Variants in THBS2 observed in about 807,000 individuals in gnomAD.
THBS2 encodes the protein thrombospondin 2.
Under a neutral mutation model 135.2 loss-of-function variants are expected in THBS2, and 47 were observed. The observed-to-expected ratio is 0.35, with a 90% confidence interval of 0.28 to 0.44. The LOEUF (loss-of-function observed/expected upper bound fraction) is 0.44. Among genes scored for constraint, THBS2 ranks in the 20% least tolerant of loss-of-function variants. The pLI is 1.00. For synonymous variants in THBS2, 639 were observed against 633.8 expected, an observed-to-expected ratio of 1.01 and a Z score of -0.12; for missense variants, 1,288 against 1,603.1, an observed-to-expected ratio of 0.80 and a Z score of 3.36.
chr6:169,224,544 C>A (rs957626391), intron 17 of THBS2, among the ~76,000 whole-genome samples: 3 of 152,232 alleles, frequency 2.0e-5, no homozygotes, highest in Non-Finnish European at 2.9e-5. Context: ...GTCAGCCAGG[C>A]CCCACTCCAA....
rs1780799186 is a variant in THBS2 at position 169,252,807 on chromosome 6, T to G, written c.-23+917A>C. On this transcript the variant is annotated intron_variant, in intron 1 of 21. Transcript: ENST00000617924. The surrounding 1 kb of genome is among the most constrained non-coding windows in gnomAD (Gnocchi z 4.3). ...TGTTTTTCCAAAAGAAAGATTTCGGTGCCTGTCTGCAGCAGAATGTAGTTT... is the reference window on the plus strand; with the variant it reads ...TGTTTTTCCAAAAGAAAGATTTCGGGGCCTGTCTGCAGCAGAATGTAGTTT... Among the ~76,000 whole-genome samples, 1 of 152,216 alleles carries G rather than the reference T, an allele frequency of 6.6e-6. No homozygotes were observed. The highest frequency in any genetic ancestry group is 1.5e-5 in the Non-Finnish European group (1 of 68,036).
chr6:169,237,495 C>A, intron 8 of THBS2, 130 bp downstream of exon 8: 1 of 1,511,792 alleles, frequency 6.6e-7, no homozygotes, highest in South Asian at 1.1e-5. Context: ...AAGAGCCTCA[C>A]CTGGCTAGAA....
chr6:169,225,183 C>A lies in THBS2; in HGVS notation c.2735G>T (p.Cys912Phe). The A allele has an allele frequency of 6.2e-7, 1 of 1,614,240 alleles. No homozygotes were observed. The highest frequency in any genetic ancestry group is 8.5e-7 in the Non-Finnish European group (1 of 1,180,052). ...NDGVPDDRDN[C>F]RLVFNPDQED... is the part of the protein sequence containing the mutation. ...CTGGTCTGGGTTGAACACAAGCCGGCAGTTGTCCCTGTCATCGGGGACGCC... is the reference window on the plus strand; with the variant it reads ...CTGGTCTGGGTTGAACACAAGCCGGAAGTTGTCCCTGTCATCGGGGACGCC... Residue 912 changes from cysteine (C) to phenylalanine (F), a missense_variant, in exon 17 of 22, where the codon TGC becomes TTC. Coordinates refer to ENST00000617924, the MANE Select transcript of THBS2 (RefSeq NM_003247.5).
intron 13 of THBS2, among the ~76,000 whole-genome samples, chr6:169,231,277 G>A (rs1779823232): frequency 6.6e-6 from 1 of 152,202 alleles, no homozygotes; most frequent in Non-Finnish European, 1.5e-5. Context: ...GAAAGGCACT[G>A]GAGAAAGTGG....
intron 13 of THBS2, among the ~76,000 whole-genome samples, chr6:169,230,471 G>C (rs1353317229): frequency 6.6e-6 from 1 of 152,196 alleles, no homozygotes; most frequent in African/African-American, 2.4e-5. Context: ...AGAAAGGAGA[G>C]CATGTTGCTT....
At chr6:169,218,476 T>TGAGG (rs1554243921) in intron 21 of THBS2, among the ~76,000 whole-genome samples, 6 of 55,406 alleles carry the variant, frequency 1.1e-4, no homozygotes, top group South Asian at 5.8e-4. Flanking sequence ...GATAGATGAG[T>TGAGG]GGGGGTGGAT....
chr6:169,221,979 A>G (rs1009704014), intron 19 of THBS2, among the ~76,000 whole-genome samples: 9 of 152,238 alleles, frequency 5.9e-5, no homozygotes, highest in Non-Finnish European at 1.5e-5. Flanking sequence ...AATTTGTAAA[A>G]GGATTAGCAA....
rs1012319108 is a variant in THBS2, at chr6:169,240,692, C to T, written c.892-100G>A. 8 of 1,448,372 alleles carry T rather than the reference C, an allele frequency of 5.5e-6. No individual in the cohort carries two copies. The East Asian group carries it at 7.3e-5, about 13-fold the overall frequency. 89.7% of individuals were successfully genotyped at this position (1,448,372 alleles called of 1,614,324 possible). A position where few individuals can be genotyped will look rare whatever the true frequency, so the allele number is the denominator to read the frequency against. On this transcript the variant is annotated intron_variant, in intron 5 of 21. Coordinates refer to ENST00000617924, the MANE Select transcript of THBS2 (RefSeq NM_003247.5). Reference sequence around the variant, plus strand: ...ACAAAGTTCCTCCTTCATTAAAAAGCTCTAAAGTCAAGTAAGACTTGACTC... The same window carrying T: ...ACAAAGTTCCTCCTTCATTAAAAAGTTCTAAAGTCAAGTAAGACTTGACTC...
In THBS2 at chr6:169,222,493, G is replaced by A. The variant is rs138580567; in HGVS notation, c.3002-25C>T. ...CCTGGATGCAACGCCATAAGGTTTC[G>A]TTAGAAACACCTTTCAGGTGGCCGG... On this transcript the variant is annotated intron_variant, in intron 18 of 21. Transcript: ENST00000617924. 142 of 1,602,038 alleles carry A rather than the reference G, an allele frequency of 8.9e-5. No homozygotes were observed. The East Asian group carries it at 1.4e-3, about 16-fold the overall frequency.
Position 169,232,929 on chromosome 6 carries a change from G to A in THBS2, c.1740C>T (p.Gly580=), listed in dbSNP as rs1779899275. 1.9e-6 allele frequency: 3 copies of A among 1,578,870 alleles called. No homozygotes were observed. Among genetic ancestry groups the A allele is most frequent in the Non-Finnish European group, 1.7e-6 (2 of 1,162,960 alleles). ...GSWSCGSCPV[G]FLGNGTHCED... ...CACAGTGGGTGCCATTGCCCAAGAA[G>A]CCCACAGGGCAGGAGCCGCATGACC... is the stretch of plus-strand genomic sequence containing the variant. The change falls in exon 11 of 22, where the codon GGC becomes GGT. Residue 580 remains glycine (G), a synonymous_variant. Coordinates refer to ENST00000617924, the MANE Select transcript of THBS2 (RefSeq NM_003247.5).
rs567184891 is a variant in THBS2, at chr6:169,219,091, GTGGA to G, written c.3511+1103_3511+1106del. On this transcript the variant is annotated intron_variant, in intron 21 of 21. Transcript: ENST00000617924. ...ATGGATGAGATGGATGTATTGATAGGTGGATGGATGGATGGATGAGTAGGTAGGT... is the reference window on the plus strand; with the variant it reads ...ATGGATGAGATGGATGTATTGATAGGTGGATGGATGGATGAGTAGGTAGGT... Among the ~76,000 whole-genome samples, 224 of 149,022 alleles carry G rather than the reference GTGGA, an allele frequency of 1.5e-3. 1 individual carries two copies. The highest frequency in any genetic ancestry group is 5.2e-3 in the African/African-American group (211 of 40,438).
rs565455667 is a variant in THBS2, at chr6:169,217,567, C to T, written c.*255G>A. The T allele has an allele frequency of 2.4e-3, 1,082 of 450,832 alleles. 3 individuals carry two copies. Among genetic ancestry groups the T allele is most frequent in the South Asian group, 9.1e-3 (130 of 14,266 alleles). The allele number at this position is 450,832 out of a possible 1,614,324, so 27.9% of individuals were successfully genotyped here. On this transcript the variant is annotated 3_prime_UTR_variant, in exon 22 of 22. Coordinates refer to ENST00000617924, the MANE Select transcript of THBS2 (RefSeq NM_003247.5). ...AATGTAATGGCATGCCCAATTTTCA[C>T]TCCACATAAAGTCTCATATATCACC...
At position 169,223,369 on chromosome 6, in the gene THBS2, C is replaced by T; in HGVS notation, c.2880G>A (p.Arg960=). The T allele has an allele frequency of 6.2e-7, 1 of 1,614,162 alleles. No individual in the cohort carries two copies. Among genetic ancestry groups the T allele is most frequent in the Non-Finnish European group, 8.5e-7 (1 of 1,180,044 alleles). The change falls in exon 18 of 22, where the codon AGG becomes AGA. Residue 960 remains arginine (R), a synonymous_variant. Transcript: ENST00000617924. ...GATCCAAGGGGACCATCTGGAAGTT[C>T]CTGAAGTCTGTCTCACTGATGGCAT... is the stretch of plus-strand genomic sequence containing the variant. ...ENNAISETDF[R]NFQMVPLDPK...
At chr6:169,238,455 G>A (rs1780182614) in intron 7 of THBS2, among the ~76,000 whole-genome samples, 1 of 152,180 alleles carries the variant, frequency 6.6e-6, no homozygotes, top group South Asian at 2.1e-4. Flanking sequence ...AAGAAAAATG[G>A]TCAAGGAGGT....
In THBS2 at chr6:169,241,581, C is replaced by G. The variant is rs1329694013; in HGVS notation, c.891+181G>C. ...CAAGATCTACCCAACTTCCCTCTAA[C>G]AATGCTGAATATTGAGCAAGGATCC... is the stretch of plus-strand genomic sequence containing the variant. On this transcript the variant is annotated intron_variant, in intron 5 of 21. Transcript: ENST00000617924. The surrounding 1 kb of genome is among the most constrained non-coding windows in gnomAD (Gnocchi z 5.5). Among the ~76,000 whole-genome samples, 4 of 152,170 alleles carry G rather than the reference C, an allele frequency of 2.6e-5. No homozygotes were observed. Among genetic ancestry groups the G allele is most frequent in the African/African-American group, 9.7e-5 (4 of 41,438 alleles).
chr6:169,243,364 C>T (rs565290923), intron 4 of THBS2, among the ~76,000 whole-genome samples: 1 of 152,224 alleles, frequency 6.6e-6, no homozygotes, highest in Non-Finnish European at 1.5e-5. Flanking sequence ...GCAGTCAGGG[C>T]CCAGGCTCTA....
chr6:169,247,329 GC>G (rs781129076), intron 3 of THBS2, among the ~76,000 whole-genome samples: 5 of 152,178 alleles, frequency 3.3e-5, no homozygotes, highest in Non-Finnish European at 5.9e-5. Context: ...ACTGCCTGTG[GC>G]TCTGCATGCA....
chr6:169,232,259 G>C, intron 12 of THBS2, 61 bp from the exon 13 acceptor site: 1 of 1,581,560 alleles, frequency 6.3e-7, no homozygotes, highest in East Asian at 2.2e-5. Flanking sequence ...GAGGCGTCGA[G>C]GCGGGGCGTC....
rs761215992 is a variant in THBS2 at position 169,232,734 on chromosome 6, G to T, written c.1862C>A (p.Pro621His). 1 of 1,614,028 alleles carries T rather than the reference G, an allele frequency of 6.2e-7. No homozygotes were observed. Among genetic ancestry groups the T allele is most frequent in the Non-Finnish European group, 8.5e-7 (1 of 1,179,962 alleles). The part of the protein sequence containing the change: ...VNTQPGFHCL[P>H]CPPRYRGNQP... The stretch of plus-strand genomic sequence containing the variant: ...GTTCCCTCTGTATCGGGGCGGGCAG[G>T]GCAGGCAGTGGAAGCCAGGCTGAGT... Residue 621 changes from proline to histidine, a missense_variant, in exon 12 of 22, where the codon CCC becomes CAC. By Grantham distance (77) the Pro-to-His change is moderately conservative (BLOSUM62 -2). This residue lies in a region of THBS2 where 874 missense variants were observed against 1,156.1 expected (regional missense o/e 0.76). Coordinates refer to ENST00000617924, the MANE Select transcript of THBS2 (RefSeq NM_003247.5).
Sources: gnomAD v4.1 joint callset for allele counts (sites outside exome capture counted in the v4.1 genomes callset) on GRCh38, gnomAD v4.1.1 for gene constraint, gnomAD v4.1.1 regional missense constraint, Gnocchi (gnomAD v3.1) non-coding constraint, MANE v1.5 for transcripts, NCBI Gene and HGNC (gene_info 2026-07-23, HGNC 2026-07-21) for gene names.